The following FREM2 variants were observed in gnomAD, a reference collection of about 807,000 sequenced individuals.
FREM2 encodes the protein FRAS1-related extracellular matrix protein 2.
Under a neutral mutation model 219.9 loss-of-function variants are expected in FREM2, and 119 were observed. The observed-to-expected ratio is 0.54, with a 90% CI of 0.47 to 0.63. FREM2 has a LOEUF of 0.63. Ranked by LOEUF, FREM2 falls within the 30% of genes least tolerant of loss-of-function variation. FREM2 has a pLI of 0.00. For missense variants in FREM2, 4,030 were observed against 3,993.6 expected (o/e 1.01, Z -0.25); for synonymous variants, 1,562 against 1,522.8 (o/e 1.03, Z -0.60).
At chr13:38,729,455 A>T (rs1330464706) in intron 2 of FREM2, among the ~76,000 whole-genome samples, 1 of 152,226 alleles carries the variant, frequency 6.6e-6, no homozygotes, top group Non-Finnish European at 1.5e-5. Flanking sequence ...CATTATTGCA[A>T]TATCATTAAG....
intron 18 of FREM2, 76 bp from the exon 19 acceptor site, chr13:38,875,946 T>C (rs1238057575): frequency 1.3e-5 from 17 of 1,337,494 alleles, no homozygotes; most frequent in Admixed American, 1.2e-4. Flanking sequence ...ATCATTTATT[T>C]TGAAAACTCT....
chr13:38,710,673 TAGG>T (rs1418833784), intron 2 of FREM2, among the ~76,000 whole-genome samples: 1 of 152,212 alleles, frequency 6.6e-6, no homozygotes, highest in Non-Finnish European at 1.5e-5. Context: ...CGGCACTTAG[TAGG>T]AGGTCAATAA....
At chr13:38,766,606 A>G (rs1873445628) in intron 3 of FREM2, among the ~76,000 whole-genome samples, 1 of 152,242 alleles carries the variant, frequency 6.6e-6, no homozygotes, top group Admixed American at 6.5e-5. Flanking sequence ...TTATAGCAAA[A>G]GACAGAGTAT....
At chr13:38,826,846 T>G (rs936888522) in intron 6 of FREM2, among the ~76,000 whole-genome samples, 5 of 152,104 alleles carry the variant, frequency 3.3e-5, no homozygotes, top group African/African-American at 1.2e-4. Context: ...GTGACAATTT[T>G]AAAGGTATGG....
At chr13:38,759,955 A>T (rs760991889) in intron 2 of FREM2, among the ~76,000 whole-genome samples, 2 of 152,200 alleles carry the variant, frequency 1.3e-5, no homozygotes, top group Non-Finnish European at 2.9e-5. Context: ...TAGTAAAGAG[A>T]GTTACAATAA....
At chr13:38,865,214 G>T (rs531670161) in intron 16 of FREM2, among the ~76,000 whole-genome samples, 16 of 152,148 alleles carry the variant, frequency 1.1e-4, no homozygotes, top group African/African-American at 3.6e-4. Context: ...GCACTCTACA[G>T]TTACTGATTC....
intron 2 of FREM2, among the ~76,000 whole-genome samples, chr13:38,754,408 T>C (rs1166398592): frequency 1.3e-5 from 2 of 152,102 alleles, no homozygotes; most frequent in African/African-American, 4.8e-5. Context: ...AGAATTAAGC[T>C]AGAATAGCCT....
At chr13:38,717,158 T>G (rs577880370) in intron 2 of FREM2, among the ~76,000 whole-genome samples, 1 of 151,686 alleles carries the variant, frequency 6.6e-6, no homozygotes, top group Non-Finnish European at 1.5e-5. Flanking sequence ...GCCTTAAAAC[T>G]GATTTATTTT....
chr13:38,808,430 T>C (rs1448382599), intron 6 of FREM2, among the ~76,000 whole-genome samples: 1 of 152,026 alleles, frequency 6.6e-6, no homozygotes, highest in Non-Finnish European at 1.5e-5. Flanking sequence ...GTTTCAGTTT[T>C]TGACATACCT....
At chr13:38,731,155 C>G (rs1418302454) in intron 2 of FREM2, among the ~76,000 whole-genome samples, 2 of 152,162 alleles carry the variant, frequency 1.3e-5, no homozygotes. Flanking sequence ...GAAAACACTT[C>G]AGACATTGCA....
At chr13:38,871,671 A>T (rs1488309933) in intron 16 of FREM2, among the ~76,000 whole-genome samples, 1 of 152,148 alleles carries the variant, frequency 6.6e-6, no homozygotes, top group East Asian at 1.9e-4. Context: ...TCTTAATTTT[A>T]TCTTTGTCTC....
intron 11 of FREM2, among the ~76,000 whole-genome samples, chr13:38,852,737 C>T (rs575177167): frequency 9.5e-5 from 14 of 147,062 alleles, no homozygotes; most frequent in East Asian, 8.1e-4. Flanking sequence ...CAGAGTCTCA[C>T]GCTGTTGGCC....
intron 6 of FREM2, among the ~76,000 whole-genome samples, chr13:38,816,335 G>A (rs1369953595): frequency 4.6e-5 from 7 of 152,176 alleles, no homozygotes; most frequent in African/African-American, 9.6e-5. Context: ...AATTCTTAAC[G>A]AGATGCTAGC....
chr13:38,793,821 G>T (rs1874661695), intron 6 of FREM2, among the ~76,000 whole-genome samples: 1 of 152,164 alleles, frequency 6.6e-6, no homozygotes, highest in African/African-American at 2.4e-5. Flanking sequence ...GAATGGGCAT[G>T]TCATGGTAAT....
chr13:38,799,707 A>C (rs1566146496), intron 6 of FREM2, among the ~76,000 whole-genome samples: 1 of 151,814 alleles, frequency 6.6e-6, no homozygotes, highest in Non-Finnish European at 1.5e-5. Flanking sequence ...CCCTTTATCA[A>C]TATATAGTGA....
chr13:38,712,606 T>C (rs1284777246), intron 2 of FREM2, among the ~76,000 whole-genome samples: 1 of 150,682 alleles, frequency 6.6e-6, no homozygotes, highest in African/African-American at 2.4e-5. Context: ...TTTCTTTCTT[T>C]CTTTCTCTCT....
chr13:38,765,682 T>G (rs759397545), intron 3 of FREM2, among the ~76,000 whole-genome samples: 19 of 152,152 alleles, frequency 1.2e-4, no homozygotes, highest in Non-Finnish European at 2.6e-4. Context: ...GTTTTGATTC[T>G]GAATATTAAT....
intron 4 of FREM2, among the ~76,000 whole-genome samples, chr13:38,781,345 T>A (rs1234156566): frequency 6.6e-6 from 1 of 152,174 alleles, no homozygotes; most frequent in Non-Finnish European, 1.5e-5. Context: ...CAGAGACTTT[T>A]TTTTTCGACT....
At chr13:38,806,496 A>T (rs1359100395) in intron 6 of FREM2, among the ~76,000 whole-genome samples, 2 of 152,022 alleles carry the variant, frequency 1.3e-5, no homozygotes, top group African/African-American at 4.8e-5. Context: ...TTTCCCCGGC[A>T]TGTAAAACTT....
Sources: gnomAD v4.1 joint callset for allele counts (sites outside exome capture counted in the v4.1 genomes callset) on GRCh38, gnomAD v4.1.1 for gene constraint, MANE v1.5 for transcripts, NCBI Gene and HGNC (gene_info 2026-07-23, HGNC 2026-07-21) for gene names.